RORA: variants seen among roughly 807,000 people sequenced by gnomAD.
The protein encoded by RORA is nuclear receptor ROR-alpha.
Under a neutral mutation model 69.5 loss-of-function variants are expected in RORA, and 7 were observed. The observed-to-expected ratio is 0.10, with a 90% CI of 0.06 to 0.19. RORA has a LOEUF of 0.19. Ranked by LOEUF, RORA falls within the 10% of genes least tolerant of loss-of-function variation. The pLI is 1.00. For missense variants in RORA, 457 were observed against 663.0 expected (o/e 0.69, Z 3.41); for synonymous variants, 261 against 240.8 (o/e 1.08, Z -0.78).
At chr15:61,012,036 C>T (rs777478195) in intron 1 of RORA, among the ~76,000 whole-genome samples, 1 of 152,226 alleles carries the variant, frequency 6.6e-6, no homozygotes, top group Non-Finnish European at 1.5e-5. Context: ...GTGGAGCTTC[C>T]GTTCACCAAA....
At chr15:60,685,094 T>C (rs1450303052) in intron 1 of RORA, among the ~76,000 whole-genome samples, 1 of 152,226 alleles carries the variant, frequency 6.6e-6, no homozygotes, top group East Asian at 1.9e-4. Flanking sequence ...ATCCACTTTA[T>C]ATTAGACAAA....
At chr15:60,663,231 G>A (rs1202751524) in intron 2 of RORA, among the ~76,000 whole-genome samples, 3 of 152,134 alleles carry the variant, frequency 2.0e-5, no homozygotes, top group African/African-American at 4.8e-5. Flanking sequence ...TCTATTCTCT[G>A]GGGAATTCAA....
intron 2 of RORA, among the ~76,000 whole-genome samples, chr15:60,622,639 A>G (rs759332017): frequency 1.2e-4 from 18 of 152,194 alleles, no homozygotes; most frequent in Non-Finnish European, 2.1e-4. Context: ...AACAAACAGA[A>G]AGAAATACAA....
chr15:60,773,712 A>G (rs573823494), intron 1 of RORA, among the ~76,000 whole-genome samples: 12 of 152,320 alleles, frequency 7.9e-5, no homozygotes, highest in African/African-American at 2.9e-4. Context: ...GACAAACTCA[A>G]GAACTCAGGG....
intron 1 of RORA, among the ~76,000 whole-genome samples, chr15:60,787,288 C>A (rs1253452312): frequency 1.3e-5 from 2 of 152,150 alleles, no homozygotes; most frequent in Non-Finnish European, 2.9e-5. Flanking sequence ...CAGGCATGCA[C>A]GCGATTCAAC....
At chr15:60,983,597 T>C (rs1894110482) in intron 1 of RORA, among the ~76,000 whole-genome samples, 1 of 152,116 alleles carries the variant, frequency 6.6e-6, no homozygotes, top group South Asian at 2.1e-4. Context: ...AGAACCTTGG[T>C]CTCCATAAAC....
At chr15:61,106,293 C>G (rs1290296535) in intron 1 of RORA, among the ~76,000 whole-genome samples, 1 of 152,150 alleles carries the variant, frequency 6.6e-6, no homozygotes, top group Admixed American at 6.5e-5. Context: ...TATAGCCAGA[C>G]AGGAAAGAAT....
rs2079849631 is a variant in RORA, at chr15:61,196,817, T to C, written c.166+32236A>G. 3.3e-5 allele frequency among the ~76,000 whole-genome samples: 5 copies of C among 152,340 alleles called. No homozygotes were observed. In the South Asian group the frequency reaches 1.0e-3, roughly 32 times the overall value. ...AAAAATTTTAAGACACATAATCCAGTCACCCGTGCAGCGCATCAAACGGAG... is the reference window on the plus strand; with the variant it reads ...AAAAATTTTAAGACACATAATCCAGCCACCCGTGCAGCGCATCAAACGGAG... On this transcript the variant is annotated intron_variant, in intron 1 of 10. Coordinates refer to ENST00000335670, the MANE Select transcript of RORA (RefSeq NM_134261.3).
chr15:61,177,513 G>T (rs2079640507), intron 1 of RORA, among the ~76,000 whole-genome samples: 1 of 152,104 alleles, frequency 6.6e-6, no homozygotes, highest in Non-Finnish European at 1.5e-5. Flanking sequence ...GAAAAATACG[G>T]CTGTCAGCAC....
At chr15:60,936,857 C>G (rs537229773) in intron 1 of RORA, among the ~76,000 whole-genome samples, 1 of 152,336 alleles carries the variant, frequency 6.6e-6, no homozygotes, top group Non-Finnish European at 1.5e-5. Flanking sequence ...TGAGGACTGT[C>G]TGTAAAACCA....
chr15:60,531,951 C>A lies in RORA; in HGVS notation c.197-100G>T. 3.0e-6 allele frequency: 2 copies of A among 669,194 alleles called. No individual in the cohort carries two copies. The highest frequency in any genetic ancestry group is 5.1e-6 in the Non-Finnish European group (2 of 391,200). 41.5% of individuals were successfully genotyped at this position (669,194 alleles called of 1,614,324 possible). ...TTGTATAGTGAAAACTAATAACCTG[C>A]TAAACATTATACTGCATTAACTATT... On this transcript the variant is annotated intron_variant, in intron 2 of 10. Coordinates refer to ENST00000335670, the MANE Select transcript of RORA (RefSeq NM_134261.3). The surrounding 1 kb of genome is among the most constrained non-coding windows in gnomAD (Gnocchi z 4.8).
At chr15:61,184,927 C>A (rs919705864) in intron 1 of RORA, among the ~76,000 whole-genome samples, 1 of 140,534 alleles carries the variant, frequency 7.1e-6, no homozygotes, top group Non-Finnish European at 1.5e-5. Context: ...CAAGGCTGCA[C>A]TGAGCTATGA....
intron 1 of RORA, among the ~76,000 whole-genome samples, chr15:60,939,120 C>T (rs577394086): frequency 6.6e-6 from 1 of 152,370 alleles, no homozygotes; most frequent in South Asian, 2.1e-4. Context: ...TCCTGACCTC[C>T]ACTTTGGCCT....
chr15:60,887,074 T>C (rs1005633663), intron 1 of RORA, among the ~76,000 whole-genome samples: 6 of 150,858 alleles, frequency 4.0e-5, no homozygotes, highest in African/African-American at 1.5e-4. Flanking sequence ...TTATCACAAA[T>C]GAAAACCAAG....
intron 2 of RORA, among the ~76,000 whole-genome samples, chr15:60,577,076 T>C (rs758719689): frequency 3.3e-5 from 5 of 152,154 alleles, no homozygotes; most frequent in African/African-American, 9.7e-5. Flanking sequence ...TCTCTGAAAA[T>C]AGAATATCAC....
rs2080150018 is a variant in RORA, at chr15:61,226,890, G to A, written c.166+2163C>T. On this transcript the variant is annotated intron_variant, in intron 1 of 10. Transcript: ENST00000335670. This position sits in a 1 kb window ranked among gnomAD's most constrained non-coding sequence, Gnocchi z 4.2. ...GAGTTGGGGTGGGGGCAGAGGGTGG[G>A]GGGAAGGGGATATGGGTCAGCAGGT... Among the ~76,000 whole-genome samples the A allele has an allele frequency of 6.6e-6, 1 of 152,082 alleles. No homozygotes were observed. Among genetic ancestry groups the A allele is most frequent in the Non-Finnish European group, 1.5e-5 (1 of 68,002 alleles).
chr15:61,140,490 T>C (rs2079287706), intron 1 of RORA, among the ~76,000 whole-genome samples: 1 of 152,174 alleles, frequency 6.6e-6, no homozygotes, highest in Non-Finnish European at 1.5e-5. Context: ...CACTTTTTAA[T>C]TGTTATCTGC....
intron 1 of RORA, among the ~76,000 whole-genome samples, chr15:61,157,771 C>T (rs1230496800): frequency 6.6e-6 from 1 of 152,172 alleles, no homozygotes; most frequent in African/African-American, 2.4e-5. Flanking sequence ...GACTGCCACA[C>T]AGTAGGCTGT....
At chr15:60,685,374 T>C (rs770955893) in intron 1 of RORA, among the ~76,000 whole-genome samples, 5 of 152,204 alleles carry the variant, frequency 3.3e-5, no homozygotes, top group Admixed American at 2.0e-4. Context: ...GCATGAACAC[T>C]AGCTAAGAAA....
Sources: allele counts gnomAD v4.1 joint callset (sites outside exome capture counted in the v4.1 genomes callset), GRCh38; gene constraint gnomAD v4.1.1; non-coding constraint Gnocchi (gnomAD v3.1); transcripts MANE v1.5; gene names NCBI Gene and HGNC (gene_info 2026-07-23, HGNC 2026-07-21).